The following KAZN variants were observed in gnomAD, a reference collection of about 807,000 sequenced individuals.
The protein encoded by KAZN is kazrin, periplakin interacting protein.
KAZN carries 40 observed loss-of-function variants against 87.4 expected under a neutral mutation model. The ratio of observed to expected loss-of-function variants is 0.46; its 90% confidence interval spans 0.36 to 0.60. The LOEUF (loss-of-function observed/expected upper bound fraction) is 0.60, where lower values mean the gene tolerates loss of function less well. Among genes scored for constraint, KAZN ranks in the 20% least tolerant of loss-of-function variants. KAZN has a pLI of 0.00. For missense variants in KAZN, 898 were observed against 1,073.9 expected, an observed-to-expected ratio of 0.84 and a Z score of 2.29; for synonymous variants, 466 against 458.3, an observed-to-expected ratio of 1.02 and a Z score of -0.22.
At chr1:14,413,184 T>G (rs1185585707) in intron 2 of KAZN, among the ~76,000 whole-genome samples, 2 of 151,578 alleles carry the variant, frequency 1.3e-5, no homozygotes, top group African/African-American at 4.8e-5. Context: ...GGTGACATCA[T>G]AAATTAGTGA....
chr1:13,980,912 C>T (rs1287168797), intron 1 of KAZN, among the ~76,000 whole-genome samples: 1 of 151,482 alleles, frequency 6.6e-6, no homozygotes, highest in East Asian at 1.9e-4. Flanking sequence ...TCTAGCATGG[C>T]AGACTCTGGG....
intron 2 of KAZN, among the ~76,000 whole-genome samples, chr1:14,333,755 G>A (rs1353340239): frequency 6.6e-6 from 1 of 152,154 alleles, no homozygotes; most frequent in African/African-American, 2.4e-5. Flanking sequence ...TAAGGTGGGT[G>A]GAGAGGGCTT....
chr1:14,156,998 G>A (rs2101815385), intron 1 of KAZN, among the ~76,000 whole-genome samples: 1 of 142,732 alleles, frequency 7.0e-6, no homozygotes, highest in South Asian at 2.3e-4. Context: ...TATTTTTCAT[G>A]TATCCTTGTA....
In KAZN at chr1:14,141,377, G is replaced by A. The variant is rs150165512; in HGVS notation, c.92-39058G>A. On this transcript the variant is annotated intron_variant, in intron 1 of 16. Coordinates refer to the KAZN transcript ENST00000636203. The stretch of plus-strand genomic sequence containing the variant: ...GGGGCCTGAGAGCACAGAGGTTCCC[G>A]ACGCCCACCTGTTGACATAGACCCT... Among the ~76,000 whole-genome samples, 99 of 151,982 alleles carry A rather than the reference G, an allele frequency of 6.5e-4. 1 individual carries two copies. The highest frequency in any genetic ancestry group is 2.1e-3 in the African/African-American group (86 of 41,448).
Position 14,804,943 on chromosome 1 carries a change from A to C in KAZN, c.227-155741A>C, listed in dbSNP as rs114571208. On this transcript the variant is annotated intron_variant, in intron 1 of 14. Transcript: ENST00000376030. ...CAGCTTGGCATGCCCGTGGTCTGCCATGTTCATTTTGTTGACATTTAATTA... is the reference window on the plus strand; with the variant it reads ...CAGCTTGGCATGCCCGTGGTCTGCCCTGTTCATTTTGTTGACATTTAATTA... 4.8e-3 allele frequency among the ~76,000 whole-genome samples: 736 copies of C among 152,290 alleles called. 5 individuals carry two copies. The highest frequency in any genetic ancestry group is 7.9e-3 in the Non-Finnish European group (539 of 68,012).
intron 1 of KAZN, among the ~76,000 whole-genome samples, chr1:13,969,083 C>T (rs1312166011): frequency 6.6e-6 from 1 of 152,068 alleles, no homozygotes; most frequent in Non-Finnish European, 1.5e-5. Context: ...CAGTATATGC[C>T]ATGTGCCGAG....
At position 14,960,800 on chromosome 1, in the gene KAZN, C is replaced by G; in HGVS notation, c.343C>G (p.Leu115Val). ...ESQGGKSSEVLSATELRVQLA... is the reference protein window; with the variant it reads ...ESQGGKSSEVVSATELRVQLA... Reference sequence around the variant, plus strand: ...GCAGGGCGGCAAGTCCTCTGAGGTCCTCTCGGCCACCGAGCTCAGGGTCCA... The same window carrying G: ...GCAGGGCGGCAAGTCCTCTGAGGTCGTCTCGGCCACCGAGCTCAGGGTCCA... The change falls in exon 2 of 15, where the codon CTC becomes GTC. Residue 115 changes from leucine (L) to valine (V), a missense_variant. Transcript: ENST00000376030. 1 of 1,612,780 alleles carries G rather than the reference C, an allele frequency of 6.2e-7. No individual in the cohort carries two copies. The highest frequency in any genetic ancestry group is 1.1e-5 in the South Asian group (1 of 90,700).
At chr1:14,982,675 T>A (rs1666378999) in intron 2 of KAZN, among the ~76,000 whole-genome samples, 1 of 152,184 alleles carries the variant, frequency 6.6e-6, no homozygotes, top group South Asian at 2.1e-4. Flanking sequence ...TCCACTCACC[T>A]TGGCCTCCCA....
chr1:14,083,797 G>A (rs931322469), intron 1 of KAZN, among the ~76,000 whole-genome samples: 1 of 152,218 alleles, frequency 6.6e-6, no homozygotes, highest in Admixed American at 6.5e-5. Flanking sequence ...GGAGGCTGAT[G>A]TGGGCCCAGA....
chr1:14,689,431 C>T (rs1028725423), intron 1 of KAZN, among the ~76,000 whole-genome samples: 7 of 152,060 alleles, frequency 4.6e-5, no homozygotes, highest in African/African-American at 1.4e-4. Flanking sequence ...ACAAAGCTGC[C>T]GGAGGATGTT....
chr1:14,920,269 CT>C (rs1658346102), intron 1 of KAZN, among the ~76,000 whole-genome samples: 1 of 114,958 alleles, frequency 8.7e-6, no homozygotes. Context: ...TCTGCAGCCT[CT>C]TTTCTGTTTT....
intron 1 of KAZN, among the ~76,000 whole-genome samples, chr1:14,162,748 G>A (rs976977121): frequency 6.6e-6 from 1 of 151,992 alleles, no homozygotes; most frequent in East Asian, 1.9e-4. Context: ...GTTTCACCGT[G>A]TTAGCCAGGA....
intron 3 of KAZN, among the ~76,000 whole-genome samples, chr1:15,040,666 T>C (rs1474817376): frequency 6.6e-6 from 1 of 151,862 alleles, no homozygotes; most frequent in Non-Finnish European, 1.5e-5. Flanking sequence ...CTCGGGAGGC[T>C]GAGGCAGGAG....
chr1:14,046,952 G>A (rs920521569), intron 1 of KAZN, among the ~76,000 whole-genome samples: 1 of 152,216 alleles, frequency 6.6e-6, no homozygotes, highest in Non-Finnish European at 1.5e-5. Context: ...GGTACACCTG[G>A]TTGGGGGTTA....
chr1:13,947,546 C>T (rs144905859), intron 1 of KAZN, among the ~76,000 whole-genome samples: 110 of 152,294 alleles, frequency 7.2e-4, no homozygotes, highest in East Asian at 5.8e-4. Flanking sequence ...TGCAGTGTGT[C>T]TGTGTCAAGT....
intron 10 of KAZN, among the ~76,000 whole-genome samples, chr1:15,100,920 G>A (rs548815486): frequency 4.2e-4 from 64 of 152,210 alleles, no homozygotes; most frequent in Admixed American, 1.0e-3. Flanking sequence ...GGGATGCGCC[G>A]ATCAGGTGGG....
At chr1:15,092,695 A>G (rs774821903) in intron 8 of KAZN, among the ~76,000 whole-genome samples, 20 of 152,102 alleles carry the variant, frequency 1.3e-4, no homozygotes, top group Non-Finnish European at 2.8e-4. Flanking sequence ...GCTGATCTCA[A>G]ACTCCTGAAG....
At chr1:14,417,011 T>TAC (rs58667891) in intron 2 of KAZN, among the ~76,000 whole-genome samples, 43,826 of 145,360 alleles carry the variant, frequency 0.3, 6,499 homozygotes, top group South Asian at 0.36. Flanking sequence ...TATATATATG[T>TAC]ACACACACAC....
chr1:15,065,573 TA>T, intron 7 of KAZN, 56 bp from the exon 8 acceptor site: 1 of 1,478,532 alleles, frequency 6.8e-7, no homozygotes, highest in Non-Finnish European at 9.3e-7. Flanking sequence ...GCACCCCAGC[TA>T]AGCTTGGCTT....
Sources: gnomAD v4.1 joint callset for allele counts (sites outside exome capture counted in the v4.1 genomes callset) on GRCh38, gnomAD v4.1.1 for gene constraint, MANE v1.5 for transcripts, NCBI Gene and HGNC (gene_info 2026-07-23, HGNC 2026-07-21) for gene names.